Variants in CNTNAP2 observed in about 807,000 individuals in gnomAD.
CNTNAP2 encodes contactin associated protein 2, also known as contactin-associated protein-like 2.
Under a neutral mutation model 155.2 loss-of-function variants are expected in CNTNAP2, and 98 were observed. The observed-to-expected ratio is 0.63, with a 90% CI of 0.54 to 0.75. The LOEUF is 0.75. Among genes scored for constraint, CNTNAP2 ranks in the 30% least tolerant of loss-of-function variants. The pLI is 0.00. For missense variants in CNTNAP2, 1,727 were observed against 1,688.1 expected, an observed-to-expected ratio of 1.02 and a Z score of -0.40; for synonymous variants, 651 against 631.2, an observed-to-expected ratio of 1.03 and a Z score of -0.47.
At chr7:146,491,447 A>AT (rs915869413) in intron 1 of CNTNAP2, among the ~76,000 whole-genome samples, 38 of 151,054 alleles carry the variant, frequency 2.5e-4, no homozygotes, top group African/African-American at 5.8e-4. Context: ...AATATATTGT[A>AT]TTTTTTTTTC....
chr7:147,366,610 A>G (rs1302335368), intron 9 of CNTNAP2, among the ~76,000 whole-genome samples: 1 of 152,046 alleles, frequency 6.6e-6, no homozygotes, highest in Non-Finnish European at 1.5e-5. Flanking sequence ...TATTTTTAGT[A>G]TAAGTAAAAC....
At chr7:148,350,213 G>A (rs1221809108) in intron 21 of CNTNAP2, among the ~76,000 whole-genome samples, 1 of 148,754 alleles carries the variant, frequency 6.7e-6, no homozygotes, top group Non-Finnish European at 1.5e-5. Context: ...TCGGTGTGGG[G>A]AATGTGGAAG....
chr7:147,257,838 T>A (rs1362494260), intron 8 of CNTNAP2, among the ~76,000 whole-genome samples: 1 of 152,138 alleles, frequency 6.6e-6, no homozygotes, highest in Non-Finnish European at 1.5e-5. Flanking sequence ...TGTAATAGGT[T>A]GAGTGACTAG....
At chr7:146,219,063 A>T (rs957388056) in intron 1 of CNTNAP2, among the ~76,000 whole-genome samples, 2 of 152,192 alleles carry the variant, frequency 1.3e-5, no homozygotes, top group Non-Finnish European at 2.9e-5. Flanking sequence ...AGAAGGCAAA[A>T]GAGACGCCAG....
intron 10 of CNTNAP2, among the ~76,000 whole-genome samples, chr7:147,434,364 C>T (rs2116534929): frequency 6.6e-6 from 1 of 152,190 alleles, no homozygotes; most frequent in Admixed American, 6.5e-5. Context: ...TTCTAAAGGC[C>T]TCTCCAGGAT....
chr7:146,430,037 A>G (rs1248852670), intron 1 of CNTNAP2, among the ~76,000 whole-genome samples: 1 of 152,132 alleles, frequency 6.6e-6, no homozygotes, highest in African/African-American at 2.4e-5. Flanking sequence ...TTAATTGCAT[A>G]TATTGAACCA....
chr7:147,117,246 G>A (rs1333137304), intron 5 of CNTNAP2, among the ~76,000 whole-genome samples: 1 of 152,090 alleles, frequency 6.6e-6, no homozygotes, highest in Non-Finnish European at 1.5e-5. Context: ...GTTCTGCCAA[G>A]ACTCCACACA....
chr7:146,625,563 A>G (rs145955240), intron 1 of CNTNAP2, among the ~76,000 whole-genome samples: 19 of 152,140 alleles, frequency 1.2e-4, no homozygotes, highest in Non-Finnish European at 2.1e-4. Flanking sequence ...TATACATTTG[A>G]CCAAGTTCCA....
intron 1 of CNTNAP2, among the ~76,000 whole-genome samples, chr7:146,239,907 A>G (rs931739815): frequency 6.6e-6 from 1 of 152,304 alleles, no homozygotes; most frequent in South Asian, 2.1e-4. Context: ...AATTGGTTTA[A>G]TGGAAATAAA....
At chr7:147,040,293 C>T (rs1799234290) in intron 3 of CNTNAP2, among the ~76,000 whole-genome samples, 1 of 151,936 alleles carries the variant, frequency 6.6e-6, no homozygotes, top group Non-Finnish European at 1.5e-5. Flanking sequence ...TCAAATATCT[C>T]CTGAGTGAAT....
chr7:148,220,636 A>AG (rs113407400), intron 19 of CNTNAP2, among the ~76,000 whole-genome samples: 1 of 150,564 alleles, frequency 6.6e-6, no homozygotes, highest in African/African-American at 2.5e-5. Context: ...TAGGGATAGA[A>AG]AAAAAAAAGC....
In CNTNAP2 at chr7:147,639,204, A is replaced by G. The variant is rs778912795; in HGVS notation, c.1996A>G (p.Ser666Gly). 1 of 1,614,190 alleles carries G rather than the reference A, an allele frequency of 6.2e-7. No individual in the cohort carries two copies. The highest frequency in any genetic ancestry group is 1.1e-5 in the South Asian group (1 of 91,090). Residue 666 changes from serine to glycine, a missense_variant, in exon 13 of 24, where the codon AGC becomes GGC. Physicochemically the swap from Ser to Gly is moderately conservative, Grantham distance 56 (BLOSUM62 0). Transcript: ENST00000361727. ...EKYSVTQLVY[S>G]ASMDQISAIT... ...ATACTCAGTGACACAGCTCGTTTAC[A>G]GCGCCTCCATGGACCAGATAAGTGC...
At chr7:147,244,640 C>G (rs961975720) in intron 8 of CNTNAP2, among the ~76,000 whole-genome samples, 1 of 152,090 alleles carries the variant, frequency 6.6e-6, no homozygotes, top group African/African-American at 2.4e-5. Context: ...GAGAGATACA[C>G]ATAACAAATA....
At chr7:146,672,285 T>C (rs1159155860) in intron 1 of CNTNAP2, among the ~76,000 whole-genome samples, 3 of 152,208 alleles carry the variant, frequency 2.0e-5, no homozygotes, top group African/African-American at 7.2e-5. Flanking sequence ...CTCTTATTCT[T>C]ACACACATCT....
At chr7:146,274,357 C>A (rs993171338) in intron 1 of CNTNAP2, among the ~76,000 whole-genome samples, 1 of 152,112 alleles carries the variant, frequency 6.6e-6, no homozygotes, top group South Asian at 2.1e-4. Context: ...CTGAGTTTTG[C>A]GTTCTGAGTT....
chr7:146,460,991 A>G (rs1796627844), intron 1 of CNTNAP2, among the ~76,000 whole-genome samples: 1 of 152,204 alleles, frequency 6.6e-6, no homozygotes, highest in South Asian at 2.1e-4. Context: ...CAGCACAAAA[A>G]CAAGTATGGG....
intron 23 of CNTNAP2, among the ~76,000 whole-genome samples, chr7:148,411,233 G>A (rs532261454): frequency 3.3e-5 from 5 of 151,998 alleles, no homozygotes; most frequent in East Asian, 1.9e-4. Flanking sequence ...AGTATAATAC[G>A]CATCTATAAG....
At chr7:146,274,045 A>G in intron 1 of CNTNAP2, among the ~76,000 whole-genome samples, 1 of 152,202 alleles carries the variant, frequency 6.6e-6, no homozygotes, top group East Asian at 1.9e-4. Context: ...TGTAACTATT[A>G]AGTGAAATAA....
intron 9 of CNTNAP2, among the ~76,000 whole-genome samples, chr7:147,347,589 A>G (rs1181598748): frequency 6.6e-6 from 1 of 151,318 alleles, no homozygotes; most frequent in African/African-American, 2.4e-5. Context: ...AAGTACCATT[A>G]AAATAATCAG....
Sources: allele counts gnomAD v4.1 joint callset (sites outside exome capture counted in the v4.1 genomes callset), GRCh38; gene constraint gnomAD v4.1.1; transcripts MANE v1.5; gene names NCBI Gene and HGNC (gene_info 2026-07-23, HGNC 2026-07-21).